The following PIEZO2 variants were observed in gnomAD, a reference collection of about 807,000 sequenced individuals.
PIEZO2 encodes piezo-type mechanosensitive ion channel component 2.
PIEZO2 carries 172 observed loss-of-function variants against 337.3 expected under a neutral mutation model. That is an observed-to-expected ratio of 0.51 (90% CI 0.45 to 0.58). The LOEUF is 0.58. Among genes scored for constraint, PIEZO2 ranks in the 20% least tolerant of loss-of-function variants. The pLI is 0.00. For missense variants in PIEZO2, 3,028 were observed against 3,391.3 expected, an observed-to-expected ratio of 0.89 and a Z score of 2.66; for synonymous variants, 1,251 against 1,228.5, an observed-to-expected ratio of 1.02 and a Z score of -0.38.
At position 10,865,844 on chromosome 18, in the gene PIEZO2, AG is replaced by A. The variant is rs529987040; in HGVS notation, c.492+5408del. 1.4e-3 allele frequency among the ~76,000 whole-genome samples: 208 copies of A among 152,276 alleles called. 2 individuals are homozygous for A. Among genetic ancestry groups the A allele is most frequent in the African/African-American group, 4.0e-3 (168 of 41,548 alleles). On this transcript the variant is annotated intron_variant, in intron 5 of 55. Transcript: ENST00000674853. ...GTGGGACTCTGGTTCCTTTCATCTC[AG>A]GCTCTACTCTACCCCCCAAGAAAGG...
intron 7 of PIEZO2, among the ~76,000 whole-genome samples, chr18:10,816,868 T>C (rs2040379222): frequency 2.0e-5 from 3 of 152,180 alleles, no homozygotes; most frequent in Admixed American, 1.3e-4. Flanking sequence ...AACCAAATGA[T>C]TTATTTATCT....
intron 2 of PIEZO2, among the ~76,000 whole-genome samples, chr18:11,041,366 G>A (rs1426998090): frequency 6.6e-6 from 1 of 152,170 alleles, no homozygotes; most frequent in Non-Finnish European, 1.5e-5. Flanking sequence ...TAAACACCGA[G>A]CTCAGAAGCT....
rs9635822 is a variant in PIEZO2, at chr18:10,697,282, A to C, written c.6827+466T>G. ...ACTCCCAGCTGGCAGTCCCAGTCCC[A>C]TGCACCACTTCCATCCCCAGCAGGT... On this transcript the variant is annotated intron_variant, in intron 45 of 55. Coordinates refer to ENST00000674853, the MANE Select transcript of PIEZO2 (RefSeq NM_001378183.1). 7.9e-5 allele frequency among the ~76,000 whole-genome samples: 12 copies of C among 152,208 alleles called. No homozygotes were observed. In the East Asian group the frequency reaches 1.5e-3, roughly 20 times the overall value.
At chr18:11,040,112 A>G (rs2037065779) in intron 2 of PIEZO2, among the ~76,000 whole-genome samples, 1 of 150,938 alleles carries the variant, frequency 6.6e-6, no homozygotes, top group Non-Finnish European at 1.5e-5. Flanking sequence ...ACCATCTGAA[A>G]AAAAAAAAAG....
chr18:10,977,621 A>G (rs1167712886), intron 3 of PIEZO2, among the ~76,000 whole-genome samples: 1 of 152,154 alleles, frequency 6.6e-6, no homozygotes, highest in African/African-American at 2.4e-5. Flanking sequence ...AGATAACATA[A>G]CCAAAGTACC....
At chr18:10,851,260 T>G (rs1012954626) in intron 7 of PIEZO2, among the ~76,000 whole-genome samples, 1 of 151,926 alleles carries the variant, frequency 6.6e-6, no homozygotes, top group Non-Finnish European at 1.5e-5. Context: ...AGCTATGGTT[T>G]AAATATGCTA....
At chr18:10,938,715 T>C (rs2032540263) in intron 3 of PIEZO2, among the ~76,000 whole-genome samples, 1 of 152,228 alleles carries the variant, frequency 6.6e-6, no homozygotes, top group Middle Eastern at 3.2e-3. Context: ...TGTTGAACAA[T>C]GAAGATGACT....
chr18:10,791,184 C>T lies in PIEZO2; in HGVS notation c.1882+17G>A, dbSNP rs1342502780. 4 of 1,530,086 alleles carry T rather than the reference C, an allele frequency of 2.6e-6. No individual in the cohort carries two copies. The highest frequency in any genetic ancestry group is 3.5e-6 in the Non-Finnish European group (4 of 1,143,258). 94.8% of individuals were successfully genotyped at this position (1,530,086 alleles called of 1,614,324 possible). On this transcript the variant is annotated intron_variant, in intron 14 of 55. Transcript: ENST00000674853. Reference sequence around the variant, plus strand: ...CTGAGCACCAAACTCTCCAGCCACACATATACACTAATTTACCTTTTTCTT... The same window carrying T: ...CTGAGCACCAAACTCTCCAGCCACATATATACACTAATTTACCTTTTTCTT...
intron 1 of PIEZO2, among the ~76,000 whole-genome samples, chr18:11,100,456 T>TA (rs1598959485): frequency 6.6e-6 from 1 of 152,336 alleles, no homozygotes. Context: ...CTTAGCCAAC[T>TA]CCACAGTAAA....
chr18:10,974,944 G>A (rs890724913), intron 3 of PIEZO2, among the ~76,000 whole-genome samples: 2 of 152,230 alleles, frequency 1.3e-5, no homozygotes. Context: ...TGCACACAGA[G>A]CACAGGGGTC....
intron 40 of PIEZO2, among the ~76,000 whole-genome samples, chr18:10,706,061 T>C (rs979561842): frequency 1.3e-5 from 2 of 151,932 alleles, no homozygotes; most frequent in Non-Finnish European, 2.9e-5. Context: ...GGTTCCAGAG[T>C]CTGTTGCCAT....
chr18:11,074,795 A>G (rs1241535557), intron 1 of PIEZO2, among the ~76,000 whole-genome samples: 2 of 152,246 alleles, frequency 1.3e-5, no homozygotes, highest in Admixed American at 1.3e-4. Flanking sequence ...CAATAGATAT[A>G]GAATAATTTT....
At chr18:11,107,700 C>T (rs1320559856) in intron 1 of PIEZO2, among the ~76,000 whole-genome samples, 1 of 152,164 alleles carries the variant, frequency 6.6e-6, no homozygotes, top group African/African-American at 2.4e-5. Context: ...AAGGAGGCCA[C>T]TACGAATCCC....
In PIEZO2 at chr18:10,726,807, C is replaced by A. The variant is rs1463997267; in HGVS notation, c.5029+4600G>T. 1.0e-5 allele frequency: 16 copies of A among 1,561,260 alleles called. No homozygotes were observed. In the Admixed American group the frequency reaches 2.6e-4, roughly 26 times the overall value. The stretch of plus-strand genomic sequence containing the variant: ...ATGAGGATGTGGACCACCTGCGGCC[C>A]CATGGGGTGCTGGATAATACCCGGA... On this transcript the variant is annotated intron_variant, in intron 36 of 55. Coordinates refer to ENST00000674853, the MANE Select transcript of PIEZO2 (RefSeq NM_001378183.1). This position sits in a 1 kb window ranked among gnomAD's most constrained non-coding sequence, Gnocchi z 5.9.
intron 2 of PIEZO2, among the ~76,000 whole-genome samples, chr18:11,057,125 AC>A (rs2037757783): frequency 6.6e-6 from 1 of 151,908 alleles, no homozygotes; most frequent in Non-Finnish European, 1.5e-5. Flanking sequence ...CCATTTCTGG[AC>A]CTTCTCCTGA....
At chr18:10,886,761 CA>C (rs1317889954) in intron 4 of PIEZO2, among the ~76,000 whole-genome samples, 4 of 151,874 alleles carry the variant, frequency 2.6e-5, no homozygotes, top group East Asian at 2.0e-4. Context: ...AATGGCTGAT[CA>C]GGGGGAACTA....
intron 27 of PIEZO2, among the ~76,000 whole-genome samples, chr18:10,754,523 A>C (rs1247556374): frequency 6.6e-6 from 1 of 152,246 alleles, no homozygotes; most frequent in East Asian, 1.9e-4. Context: ...AATCAGCTTT[A>C]AAAATCAATG....
chr18:10,792,623 C>A (rs1918683), intron 13 of PIEZO2, among the ~76,000 whole-genome samples: 1 of 152,126 alleles, frequency 6.6e-6, no homozygotes, highest in Non-Finnish European at 1.5e-5. Context: ...CCCTTTTAAA[C>A]ACCCAATAAT....
rs1487496212 is a variant in PIEZO2, at chr18:10,704,631, A to T, written c.6021T>A (p.Leu2007=). 2.0e-6 allele frequency: 3 copies of T among 1,536,886 alleles called. No homozygotes were observed. Among genetic ancestry groups the T allele is most frequent in the East Asian group, 2.4e-5 (1 of 40,910 alleles). ...CCACGTAGAATTTCTCTGACTCTTC[A>T]AGCTCATCGTCGTGAAACATCCTGT... ...LLKKMFHDDE[L]EESEKFYVGQ... The change falls in exon 42 of 56, where the codon CTT becomes CTA. Residue 2007 remains leucine, a synonymous_variant. Coordinates refer to ENST00000674853, the MANE Select transcript of PIEZO2 (RefSeq NM_001378183.1).
Sources: allele counts gnomAD v4.1 joint callset (sites outside exome capture counted in the v4.1 genomes callset), GRCh38; gene constraint gnomAD v4.1.1; non-coding constraint Gnocchi (gnomAD v3.1); transcripts MANE v1.5; gene names NCBI Gene and HGNC (gene_info 2026-07-23, HGNC 2026-07-21).